The following HCN1 variants were observed in gnomAD, a reference collection of about 807,000 sequenced individuals.
HCN1 encodes potassium/sodium hyperpolarization-activated cyclic nucleotide-gated channel 1.
Under a neutral mutation model 78.9 loss-of-function variants are expected in HCN1, and 13 were observed. The ratio of observed to expected loss-of-function variants is 0.16; its 90% confidence interval spans 0.11 to 0.26. The LOEUF (loss-of-function observed/expected upper bound fraction) is 0.26, where lower values mean the gene tolerates loss of function less well. Ranked by LOEUF, HCN1 falls within the 10% of genes least tolerant of loss-of-function variation. The pLI, the probability that HCN1 is intolerant of heterozygous loss-of-function variation, is 1.00. For synonymous variants in HCN1, 552 were observed against 455.5 expected (o/e 1.21, Z -2.70); for missense variants, 810 against 1,154.3 (o/e 0.70, Z 4.32).
At chr5:45,460,230 CATAAAT>C (rs1426713166) in intron 3 of HCN1, among the ~76,000 whole-genome samples, 1 of 152,058 alleles carries the variant, frequency 6.6e-6, no homozygotes, top group Admixed American at 6.6e-5. Context: ...GCTTTGCTCT[CATAAAT>C]AGATTAAAGA....
intron 2 of HCN1, among the ~76,000 whole-genome samples, chr5:45,572,889 AT>A (rs1743863061): frequency 6.6e-6 from 1 of 152,174 alleles, no homozygotes; most frequent in African/African-American, 2.4e-5. Flanking sequence ...GATTTGTGAT[AT>A]GGAGAAAAGA....
chr5:45,279,013 C>A (rs1745113267), intron 6 of HCN1, among the ~76,000 whole-genome samples: 1 of 152,014 alleles, frequency 6.6e-6, no homozygotes, highest in South Asian at 2.1e-4. Context: ...AAAACATTTG[C>A]CTACTCCTTG....
At chr5:45,511,810 A>G (rs1218139189) in intron 2 of HCN1, among the ~76,000 whole-genome samples, 2 of 152,096 alleles carry the variant, frequency 1.3e-5, no homozygotes, top group Non-Finnish European at 2.9e-5. Context: ...TATGAGCTTC[A>G]GTTAAAAATA....
chr5:45,468,517 A>G (rs1176111807), intron 2 of HCN1, among the ~76,000 whole-genome samples: 1 of 152,040 alleles, frequency 6.6e-6, no homozygotes, highest in African/African-American at 2.4e-5. Flanking sequence ...CTTGGCTATT[A>G]CTCAGAATTT....
intron 7 of HCN1, among the ~76,000 whole-genome samples, chr5:45,264,836 C>T (rs1242830858): frequency 1.3e-5 from 2 of 152,136 alleles, no homozygotes; most frequent in Non-Finnish European, 2.9e-5. Context: ...TTGCTTAGTG[C>T]CTATTAGAAA....
chr5:45,626,966 T>C (rs1337988509), intron 2 of HCN1, among the ~76,000 whole-genome samples: 4 of 151,396 alleles, frequency 2.6e-5, no homozygotes, highest in African/African-American at 9.8e-5. Context: ...TATACACACA[T>C]GCCATATATA....
intron 3 of HCN1, among the ~76,000 whole-genome samples, chr5:45,399,596 G>C (rs191249662): frequency 6.6e-6 from 1 of 152,058 alleles, no homozygotes; most frequent in African/African-American, 2.4e-5. Context: ...AATAGATATG[G>C]GTAGTTTTGT....
chr5:45,531,511 T>C (rs191602032), intron 2 of HCN1, among the ~76,000 whole-genome samples: 36 of 152,296 alleles, frequency 2.4e-4, no homozygotes, highest in Non-Finnish European at 1.5e-5. Context: ...ACACCCTCTG[T>C]TGTCCTCAGA....
chr5:45,545,486 C>T (rs1240331499), intron 2 of HCN1, among the ~76,000 whole-genome samples: 2 of 151,982 alleles, frequency 1.3e-5, no homozygotes, highest in Admixed American at 1.3e-4. Flanking sequence ...CTTTTGTTGC[C>T]ATTGCTTTTG....
At chr5:45,468,911 A>G (rs1475139461) in intron 2 of HCN1, among the ~76,000 whole-genome samples, 1 of 152,054 alleles carries the variant, frequency 6.6e-6, no homozygotes, top group African/African-American at 2.4e-5. Flanking sequence ...ATCAATTTGT[A>G]TAAAGGGGTC....
At chr5:45,655,497 A>G (rs1367053526) in intron 1 of HCN1, among the ~76,000 whole-genome samples, 1 of 152,132 alleles carries the variant, frequency 6.6e-6, no homozygotes, top group African/African-American at 2.4e-5. Flanking sequence ...GAATTTAAGA[A>G]AAGTCTTTTT....
At chr5:45,664,812 A>G (rs1250083258) in intron 1 of HCN1, among the ~76,000 whole-genome samples, 1 of 151,930 alleles carries the variant, frequency 6.6e-6, no homozygotes, top group Non-Finnish European at 1.5e-5. Flanking sequence ...GGTGCTGGAG[A>G]GGATGTGGAG....
chr5:45,428,844 A>G (rs916885325), intron 3 of HCN1, among the ~76,000 whole-genome samples: 2 of 152,124 alleles, frequency 1.3e-5, no homozygotes, highest in African/African-American at 4.8e-5. Context: ...TAAATAAAAT[A>G]TTAATGTACT....
intron 4 of HCN1, among the ~76,000 whole-genome samples, chr5:45,353,585 C>A (rs1746953831): frequency 6.6e-6 from 1 of 151,776 alleles, no homozygotes; most frequent in Non-Finnish European, 1.5e-5. Context: ...AAATTGAGTT[C>A]TAAAAGAAGT....
intron 5 of HCN1, among the ~76,000 whole-genome samples, chr5:45,317,575 A>C (rs1371704452): frequency 6.6e-6 from 1 of 152,176 alleles, no homozygotes; most frequent in Non-Finnish European, 1.5e-5. Context: ...GGATCTAATT[A>C]AACTAAAGAG....
At chr5:45,380,236 T>C (rs527759132) in intron 4 of HCN1, among the ~76,000 whole-genome samples, 3 of 152,144 alleles carry the variant, frequency 2.0e-5, no homozygotes, top group African/African-American at 7.2e-5. Context: ...CCTCAGATAA[T>C]TGAAGAGCAA....
intron 2 of HCN1, among the ~76,000 whole-genome samples, chr5:45,582,981 CTTT>C (rs58015637): frequency 1.3e-5 from 2 of 148,888 alleles, no homozygotes; most frequent in African/African-American, 4.9e-5. Flanking sequence ...CTAAAATTCT[CTTT>C]TTTTTTTTTG....
At chr5:45,594,322 A>G (rs1403482188) in intron 2 of HCN1, among the ~76,000 whole-genome samples, 5 of 152,142 alleles carry the variant, frequency 3.3e-5, no homozygotes, top group African/African-American at 1.2e-4. Context: ...CTCTGAGATG[A>G]AGGAAGAGGT....
intron 5 of HCN1, among the ~76,000 whole-genome samples, chr5:45,319,621 C>T (rs953625247): frequency 6.6e-6 from 1 of 151,404 alleles, no homozygotes; most frequent in Non-Finnish European, 1.5e-5. Flanking sequence ...AATACCTTCT[C>T]GCCATCTGTG....
Sources: gnomAD v4.1 joint callset for allele counts (sites outside exome capture counted in the v4.1 genomes callset) on GRCh38, gnomAD v4.1.1 for gene constraint, MANE v1.5 for transcripts, NCBI Gene and HGNC (gene_info 2026-07-23, HGNC 2026-07-21) for gene names.